The following RBFOX1 variants were observed in gnomAD, a reference collection of about 807,000 sequenced individuals.
The protein encoded by RBFOX1 is RNA binding protein fox-1 homolog 1.
RBFOX1 carries 8 observed loss-of-function variants against 57.7 expected under a neutral mutation model. The observed-to-expected ratio is 0.14, with a 90% confidence interval of 0.08 to 0.25. The LOEUF (loss-of-function observed/expected upper bound fraction) is 0.25, where lower values mean the gene tolerates loss of function less well. Among genes scored for constraint, RBFOX1 ranks in the 10% least tolerant of loss-of-function variants. The pLI, the probability that RBFOX1 is intolerant of heterozygous loss-of-function variation, is 1.00. For synonymous variants in RBFOX1, 326 were observed against 222.4 expected (o/e 1.47, Z -4.15); for missense variants, 611 against 548.5 (o/e 1.11, Z -1.14).
intron 3 of RBFOX1, among the ~76,000 whole-genome samples, chr16:6,791,090 A>G (rs1218279224): frequency 1.3e-5 from 2 of 151,966 alleles, no homozygotes; most frequent in African/African-American, 4.8e-5. Context: ...CATTTTTTGT[A>G]GGGATGGGGT....
At chr16:5,908,095 T>TATATATATACAC (rs1567133450) in intron 4 of RBFOX1, among the ~76,000 whole-genome samples, 29 of 139,876 alleles carry the variant, frequency 2.1e-4, no homozygotes, top group African/African-American at 8.1e-4. Flanking sequence ...TACACATATA[T>TATATATATACAC]ACACATATAT....
chr16:7,373,838 C>A (rs577488807), intron 4 of RBFOX1, among the ~76,000 whole-genome samples: 1 of 152,182 alleles, frequency 6.6e-6, no homozygotes, highest in East Asian at 1.9e-4. Flanking sequence ...GACACATTCA[C>A]GTTTTAAAGA....
At chr16:6,169,053 C>A (rs1223361084) in intron 1 of RBFOX1, among the ~76,000 whole-genome samples, 1 of 152,056 alleles carries the variant, frequency 6.6e-6, no homozygotes, top group Non-Finnish European at 1.5e-5. Flanking sequence ...TCATATAAAC[C>A]ATGTTTATCA....
At chr16:6,801,093 A>G (rs1050045548) in intron 3 of RBFOX1, among the ~76,000 whole-genome samples, 2 of 151,858 alleles carry the variant, frequency 1.3e-5, no homozygotes, top group Admixed American at 6.6e-5. Flanking sequence ...GCGGATTGCC[A>G]TTCAGTAGAT....
At chr16:7,214,368 G>C (rs752870629) in intron 4 of RBFOX1, among the ~76,000 whole-genome samples, 1 of 152,016 alleles carries the variant, frequency 6.6e-6, no homozygotes, top group Non-Finnish European at 1.5e-5. Context: ...GGCATGATCG[G>C]GGTGCTCAAG....
chr16:5,791,523 G>C (rs147020293), intron 3 of RBFOX1, among the ~76,000 whole-genome samples: 1 of 152,108 alleles, frequency 6.6e-6, no homozygotes, highest in African/African-American at 2.4e-5. Context: ...TCACTGCCTG[G>C]CACAGTAACT....
chr16:5,449,268 C>A (rs541199706), intron 1 of RBFOX1, among the ~76,000 whole-genome samples: 1 of 152,302 alleles, frequency 6.6e-6, no homozygotes, highest in East Asian at 1.9e-4. Flanking sequence ...GCTTCCCCTG[C>A]CCTGCTTTCC....
chr16:5,341,687 A>G (rs1432813641), intron 1 of RBFOX1, among the ~76,000 whole-genome samples: 1 of 152,196 alleles, frequency 6.6e-6, no homozygotes, highest in Non-Finnish European at 1.5e-5. Flanking sequence ...GGGTGAGGGC[A>G]TCTTCATTTT....
chr16:6,031,978 C>T (rs1468383777), intron 1 of RBFOX1, among the ~76,000 whole-genome samples: 8 of 152,160 alleles, frequency 5.3e-5, no homozygotes, highest in Non-Finnish European at 1.2e-4. Context: ...CTGAATTGTT[C>T]CCTCACTGGC....
chr16:6,789,578 A>T (rs1276104617), intron 3 of RBFOX1, among the ~76,000 whole-genome samples: 1 of 152,200 alleles, frequency 6.6e-6, no homozygotes, highest in Non-Finnish European at 1.5e-5. Context: ...GTATCCATAG[A>T]CAGTGGGGAC....
At chr16:7,189,621 A>G (rs961798478) in intron 4 of RBFOX1, among the ~76,000 whole-genome samples, 63 of 151,202 alleles carry the variant, frequency 4.2e-4, no homozygotes, top group African/African-American at 1.3e-3. Flanking sequence ...AAGCCACTCT[A>G]TGCAGCATAA....
At chr16:6,858,226 G>C (rs1438321728) in intron 3 of RBFOX1, among the ~76,000 whole-genome samples, 2 of 152,294 alleles carry the variant, frequency 1.3e-5, no homozygotes, top group East Asian at 3.9e-4. Flanking sequence ...AAGGTTGAAT[G>C]GTTTTGAGAT....
chr16:5,821,360 A>G (rs986057978), intron 3 of RBFOX1, among the ~76,000 whole-genome samples: 2 of 148,110 alleles, frequency 1.4e-5, no homozygotes, highest in African/African-American at 2.5e-5. Flanking sequence ...CAGTGTTGCA[A>G]TCATGGCTTA....
intron 3 of RBFOX1, among the ~76,000 whole-genome samples, chr16:5,725,574 A>T (rs2052117244): frequency 6.6e-6 from 1 of 151,302 alleles, no homozygotes; most frequent in Non-Finnish European, 1.5e-5. Flanking sequence ...ATAGCTTAAG[A>T]TATGTTTCTA....
At chr16:5,333,980 AAC>A (rs1364678656) in intron 1 of RBFOX1, among the ~76,000 whole-genome samples, 1 of 152,224 alleles carries the variant, frequency 6.6e-6, no homozygotes, top group Non-Finnish European at 1.5e-5. Context: ...AGAGGAAAGG[AAC>A]ACAAAAAGTG....
chr16:7,078,573 C>A (rs963534730), intron 4 of RBFOX1, among the ~76,000 whole-genome samples: 2 of 151,960 alleles, frequency 1.3e-5, no homozygotes, highest in African/African-American at 4.8e-5. Context: ...GTCTCGAAAC[C>A]CTGGCCTCAA....
chr16:6,975,247 G>A (rs1313079886), intron 3 of RBFOX1, among the ~76,000 whole-genome samples: 2 of 144,576 alleles, frequency 1.4e-5, no homozygotes, highest in African/African-American at 5.2e-5. Flanking sequence ...ACTCAACCAA[G>A]AAGAAATCAT....
intron 2 of RBFOX1, among the ~76,000 whole-genome samples, chr16:5,470,335 C>T (rs1351336652): frequency 1.3e-5 from 2 of 152,228 alleles, no homozygotes; most frequent in East Asian, 3.8e-4. Context: ...CCAAATGTGT[C>T]TATTCCTGGT....
intron 4 of RBFOX1, among the ~76,000 whole-genome samples, chr16:7,397,432 C>T (rs1278029035): frequency 6.6e-6 from 1 of 152,152 alleles, no homozygotes; most frequent in African/African-American, 2.4e-5. Context: ...ATTCCTCATA[C>T]TTGTCACATA....
Sources: gnomAD v4.1 joint callset for allele counts (sites outside exome capture counted in the v4.1 genomes callset) on GRCh38, gnomAD v4.1.1 for gene constraint, MANE v1.5 for transcripts, NCBI Gene and HGNC (gene_info 2026-07-23, HGNC 2026-07-21) for gene names.